Variants in INPP5D observed in about 807,000 individuals in gnomAD.
INPP5D encodes phosphatidylinositol 3,4,5-trisphosphate 5-phosphatase 1.
A neutral mutation model predicts 122.9 loss-of-function variants in INPP5D; 33 were observed. The ratio of observed to expected loss-of-function variants is 0.27; its 90% CI spans 0.20 to 0.36. The LOEUF is 0.36. Among genes scored for constraint, INPP5D ranks in the 10% least tolerant of loss-of-function variants. The pLI is 1.00. For synonymous variants in INPP5D, 584 were observed against 576.2 expected (o/e 1.01, Z -0.19); for missense variants, 1,053 against 1,412.7 (o/e 0.75, Z 4.08).
chr2:233,182,609 C>T, intron 19 of INPP5D, 110 bp downstream of exon 19: 4 of 1,489,684 alleles, frequency 2.7e-6, no homozygotes, highest in Non-Finnish European at 3.6e-6. Flanking sequence ...GCTCATTTTC[C>T]CAGGCAAGTC....
At chr2:233,153,200 C>G (rs889655924) in intron 9 of INPP5D, among the ~76,000 whole-genome samples, 2 of 152,174 alleles carry the variant, frequency 1.3e-5, no homozygotes, top group Non-Finnish European at 2.9e-5. Flanking sequence ...ATCCTGGGGG[C>G]AACCGCACAG....
At chr2:233,169,234 G>C (rs1338371656) in intron 13 of INPP5D, 71 bp from the exon 14 acceptor site, 3 of 1,545,646 alleles carry the variant, frequency 1.9e-6, no homozygotes, top group Non-Finnish European at 2.6e-6. Flanking sequence ...CCCTGCCTTC[G>C]GGTGATTTCT....
intron 9 of INPP5D, among the ~76,000 whole-genome samples, chr2:233,157,168 G>A (rs1011229054): frequency 6.6e-6 from 1 of 152,236 alleles, no homozygotes; most frequent in Admixed American, 6.5e-5. Context: ...AGCCACTAGA[G>A]ATGCTGCTCT....
intron 1 of INPP5D, 141 bp from the exon 2 acceptor site, chr2:233,079,194 T>C (rs972641984): frequency 3.1e-6 from 2 of 635,110 alleles, no homozygotes; most frequent in African/African-American, 1.8e-5. Context: ...CTCACCTCCA[T>C]CTTAAGAGAA....
intron 11 of INPP5D, among the ~76,000 whole-genome samples, chr2:233,162,795 G>T (rs1396247035): frequency 1.3e-5 from 2 of 152,220 alleles, no homozygotes; most frequent in African/African-American, 4.8e-5. Flanking sequence ...AGCAGCCGTG[G>T]AGTAGAGCCC....
Position 233,063,868 on chromosome 2 carries a change from C to T in INPP5D, c.134+3256C>T, listed in dbSNP as rs138988185. Among the ~76,000 whole-genome samples the T allele has an allele frequency of 9.4e-3, 1,437 of 152,352 alleles. 8 individuals carry two copies. Among genetic ancestry groups the T allele is most frequent in the Non-Finnish European group, 0.014 (969 of 68,014 alleles). The stretch of plus-strand genomic sequence containing the variant: ...TCCCCCGGCAGAGTTGGCCCTGCTC[C>T]GGGGGGAGTCTGTGGGTGCCTCCAG... On this transcript the variant is annotated intron_variant, in intron 1 of 26. Coordinates refer to ENST00000445964, the MANE Select transcript of INPP5D (RefSeq NM_001017915.3).
intron 6 of INPP5D, chr2:233,141,435 C>T (rs879113538): frequency 0.47 from 71,486 of 151,662 alleles, 17,241 homozygotes; most frequent in African/African-American, 0.53. Context: ...GGTGTGGTGG[C>T]GGGCGCCTGT....
At chr2:233,080,189 C>T (rs1407010569) in intron 2 of INPP5D, among the ~76,000 whole-genome samples, 1 of 152,112 alleles carries the variant, frequency 6.6e-6, no homozygotes, top group Non-Finnish European at 1.5e-5. Context: ...CTCGGCCTCC[C>T]AAAGTTCTGG....
chr2:233,176,353 ATGG>A (rs1215383626), intron 17 of INPP5D, among the ~76,000 whole-genome samples: 64 of 147,542 alleles, frequency 4.3e-4, no homozygotes, highest in Admixed American at 1.3e-3. Context: ...GGATGGATGG[ATGG>A]ATAGGCGAAT....
rs751947870 is a variant in INPP5D at position 233,189,806 on chromosome 2, G to A, written c.2359-44G>A. On this transcript the variant is annotated intron_variant, in intron 21 of 26. Transcript: ENST00000445964. This position sits in a 1 kb window ranked among gnomAD's most constrained non-coding sequence, Gnocchi z 5.6. ...TGTCCACCCACCTGTCCCCTCACCTGTCCCTTGCCCATCAACTCCAGTCCT... is the reference window on the plus strand; with the variant it reads ...TGTCCACCCACCTGTCCCCTCACCTATCCCTTGCCCATCAACTCCAGTCCT... 2 of 1,603,878 alleles carry A rather than the reference G, an allele frequency of 1.2e-6. No individual in the cohort carries two copies. The highest frequency in any genetic ancestry group is 2.2e-5 in the East Asian group (1 of 44,660).
At chr2:233,114,051 C>T (rs1420085902) in intron 2 of INPP5D, among the ~76,000 whole-genome samples, 1 of 152,174 alleles carries the variant, frequency 6.6e-6, no homozygotes, top group Non-Finnish European at 1.5e-5. Context: ...GCTGGGACTA[C>T]AGGCGCCACC....
At chr2:233,158,467 C>T in intron 10 of INPP5D, 48 bp downstream of exon 10, 4 of 675,360 alleles carry the variant, frequency 5.9e-6, no homozygotes, top group South Asian at 4.8e-5. Context: ...AGGGAGGGGA[C>T]ACAAGCGTTT....
intron 12 of INPP5D, 76 bp downstream of exon 12, chr2:233,163,979 G>T (rs1559328195): frequency 3.2e-6 from 5 of 1,549,090 alleles, no homozygotes; most frequent in Non-Finnish European, 4.4e-6. Flanking sequence ...AGAGGCAAGG[G>T]TGGGCTCAGC....
rs921666904 is a variant in INPP5D at position 233,160,440 on chromosome 2, A to G, written c.1138-1284A>G. Among the ~76,000 whole-genome samples, 17 of 152,344 alleles carry G rather than the reference A, an allele frequency of 1.1e-4. No individual in the cohort carries two copies. In the East Asian group the frequency reaches 3.3e-3, roughly 29 times the overall value. ...GCCTTCATGTCCTCTCTTCTTTTTAATTAGTTTCTTTAATTTAAATGTTCT... is the reference window on the plus strand; with the variant it reads ...GCCTTCATGTCCTCTCTTCTTTTTAGTTAGTTTCTTTAATTTAAATGTTCT... On this transcript the variant is annotated intron_variant, in intron 10 of 26. Coordinates refer to ENST00000445964, the MANE Select transcript of INPP5D (RefSeq NM_001017915.3). The surrounding 1 kb of genome is among the most constrained non-coding windows in gnomAD (Gnocchi z 4.2).
At chr2:233,147,633 T>A in intron 9 of INPP5D, 39 bp downstream of exon 9, 1 of 698,688 alleles carries the variant, frequency 1.4e-6, no homozygotes, top group South Asian at 1.5e-5. Flanking sequence ...GCCCCTCACC[T>A]GCCTGTGGAA....
At chr2:233,199,882 G>T (rs921683095) in intron 25 of INPP5D, among the ~76,000 whole-genome samples, 1 of 152,164 alleles carries the variant, frequency 6.6e-6, no homozygotes, top group Non-Finnish European at 1.5e-5. Flanking sequence ...GGCATCTCCC[G>T]CTCCCTAGAG....
rs1559297093 is a variant in INPP5D at position 233,110,944 on chromosome 2, A to AC, written c.199-11163_199-11162insC. On this transcript the variant is annotated intron_variant, in intron 2 of 26. Transcript: ENST00000445964. Reference sequence around the variant, plus strand: ...CGTCTCTTAAAAAAAAAACAACAAAAAAAAAAAACTGTTGCTTCGACAGTT... The same window carrying AC: ...CGTCTCTTAAAAAAAAAACAACAAAACAAAAAAAACTGTTGCTTCGACAGTT... Among the ~76,000 whole-genome samples, 133 of 151,784 alleles carry AC rather than the reference A, an allele frequency of 8.8e-4. 2 individuals are homozygous for AC. Among genetic ancestry groups the AC allele is most frequent in the Middle Eastern group, 6.8e-3 (2 of 294 alleles).
intron 5 of INPP5D, chr2:233,133,875 G>A (rs1439097310): frequency 2.3e-6 from 1 of 428,376 alleles, no homozygotes; most frequent in African/African-American, 2.0e-5. Flanking sequence ...AGCAGGGGCA[G>A]GGGTCTGTGT....
chr2:233,177,479 A>C lies in INPP5D; in HGVS notation c.2071+133A>C. On this transcript the variant is annotated intron_variant, in intron 18 of 26. Transcript: ENST00000445964. The surrounding 1 kb of genome is among the most constrained non-coding windows in gnomAD (Gnocchi z 4.2). ...GGAGGAATTCACTGTAACCCTAATC[A>C]GGCGACCTGGAAATGTTGATGCTTC... 1 of 1,447,876 alleles carries C rather than the reference A, an allele frequency of 6.9e-7. No individual in the cohort carries two copies. Among genetic ancestry groups the C allele is most frequent in the South Asian group, 1.3e-5 (1 of 79,450 alleles). The allele number at this position is 1,447,876 out of a possible 1,614,324, so 89.7% of individuals were successfully genotyped here. A position where few individuals can be genotyped will look rare whatever the true frequency, so the allele number is the denominator to read the frequency against.
Sources: gnomAD v4.1 joint callset for allele counts (sites outside exome capture counted in the v4.1 genomes callset) on GRCh38, gnomAD v4.1.1 for gene constraint, Gnocchi (gnomAD v3.1) non-coding constraint, MANE v1.5 for transcripts, NCBI Gene and HGNC (gene_info 2026-07-23, HGNC 2026-07-21) for gene names.